The following UBAP2L variants were observed in gnomAD, a reference collection of about 807,000 sequenced individuals.
UBAP2L encodes ubiquitin-associated protein 2-like.
UBAP2L carries 12 observed loss-of-function variants against 130.6 expected under a neutral mutation model. The ratio of observed to expected loss-of-function variants is 0.09; its 90% confidence interval spans 0.06 to 0.15. The LOEUF (loss-of-function observed/expected upper bound fraction) is 0.15. Ranked by LOEUF, UBAP2L falls within the 10% of genes least tolerant of loss-of-function variation. The pLI, the probability that UBAP2L is intolerant of heterozygous loss-of-function variation, is 1.00. For missense variants in UBAP2L, 965 were observed against 1,332.5 expected, an observed-to-expected ratio of 0.72 and a Z score of 4.29; for synonymous variants, 503 against 524.7, an observed-to-expected ratio of 0.96 and a Z score of 0.57.
intron 11 of UBAP2L, among the ~76,000 whole-genome samples, chr1:154,248,933 A>G (rs1235319951): frequency 6.6e-6 from 1 of 152,218 alleles, no homozygotes; most frequent in Non-Finnish European, 1.5e-5. Flanking sequence ...AGTGATTACT[A>G]TGTGCCATAC....
At chr1:154,234,879 C>T in intron 5 of UBAP2L, 120 bp downstream of exon 5, 2 of 1,400,520 alleles carry the variant, frequency 1.4e-6, no homozygotes, top group African/African-American at 2.9e-5. Flanking sequence ...GCTTTTCTTG[C>T]CGTCGTCTGT....
At chr1:154,266,069 G>A (rs951821859) in intron 24 of UBAP2L, among the ~76,000 whole-genome samples, 27 of 152,206 alleles carry the variant, frequency 1.8e-4, no homozygotes, top group African/African-American at 6.3e-4. Flanking sequence ...GCCCAGAAAT[G>A]TCACTTCAGG....
At chr1:154,259,913 A>G (rs757402200) in intron 21 of UBAP2L, 35 bp from the exon 22 acceptor site, 10 of 1,594,602 alleles carry the variant, frequency 6.3e-6, no homozygotes, top group Non-Finnish European at 8.6e-6. Context: ...AATGAGTGAC[A>G]TTGAATCTCT....
At chr1:154,259,280 C>T (rs1384117674) in intron 21 of UBAP2L, among the ~76,000 whole-genome samples, 1 of 151,978 alleles carries the variant, frequency 6.6e-6, no homozygotes, top group Non-Finnish European at 1.5e-5. Context: ...CAACCTCCGC[C>T]GCCTGGGTTA....
chr1:154,237,065 A>T lies in UBAP2L; in HGVS notation c.632A>T (p.Asp211Val), dbSNP rs753801684. The change falls in exon 8 of 27, where the codon GAT becomes GTT. Residue 211 changes from aspartate to valine, a missense_variant. By Grantham distance (152) the Asp-to-Val change is radical. Around this residue, in one of 9 missense-constraint regions of UBAP2L, gnomAD observed 109 missense variants for 146.6 expected, o/e 0.74. Transcript: ENST00000428931. The part of the protein sequence containing the change: ...PADYAEPANT[D>V]DNYGNSSGNT... Reference sequence around the variant, plus strand: ...GATTATGCAGAGCCAGCCAATACTGATGATAACTATGGCAATAGCAGCGGC... The same window carrying T: ...GATTATGCAGAGCCAGCCAATACTGTTGATAACTATGGCAATAGCAGCGGC... 1 of 1,614,194 alleles carries T rather than the reference A, an allele frequency of 6.2e-7. No homozygotes were observed. Among genetic ancestry groups the T allele is most frequent in the East Asian group, 2.2e-5 (1 of 44,880 alleles).
chr1:154,245,077 AC>A (rs1674961211), intron 10 of UBAP2L, among the ~76,000 whole-genome samples: 1 of 152,034 alleles, frequency 6.6e-6, no homozygotes, highest in African/African-American at 2.4e-5. Context: ...TATAGTAGGC[AC>A]CCGCCACCAC....
intron 1 of UBAP2L, 83 bp from the exon 2 acceptor site, chr1:154,225,000 TG>T (rs1157440698): frequency 2.7e-6 from 2 of 741,758 alleles, no homozygotes; most frequent in African/African-American, 3.5e-5. Context: ...GAAGTGAAAG[TG>T]TTTGGTGGTG....
chr1:154,237,519 A>C (rs557349547), intron 8 of UBAP2L, among the ~76,000 whole-genome samples: 1 of 152,302 alleles, frequency 6.6e-6, no homozygotes, highest in South Asian at 2.1e-4. Flanking sequence ...TCTAGTGTTT[A>C]TGTTAGGGTA....
upstream of UBAP2L, chr1:154,220,431 T>G: frequency 6.2e-7 from 1 of 1,614,100 alleles, no homozygotes; most frequent in Non-Finnish European, 8.5e-7. Context: ...CGCGCAGAAT[T>G]GTTCGGGTTT....
intron 4 of UBAP2L, among the ~76,000 whole-genome samples, chr1:154,229,085 C>T (rs1436419035): frequency 6.6e-6 from 1 of 151,830 alleles, no homozygotes; most frequent in Non-Finnish European, 1.5e-5. Context: ...ACACACTATA[C>T]TTGATTCTGT....
At chr1:154,232,885 C>G (rs1314339659) in intron 4 of UBAP2L, among the ~76,000 whole-genome samples, 1 of 152,024 alleles carries the variant, frequency 6.6e-6, no homozygotes, top group African/African-American at 2.4e-5. Context: ...TTAGTAGAGA[C>G]CAGAGTCTCA....
At chr1:154,267,073 G>C (rs114779784) in intron 25 of UBAP2L, among the ~76,000 whole-genome samples, 2,946 of 152,086 alleles carry the variant, frequency 0.019, 36 homozygotes, top group Non-Finnish European at 0.031. Flanking sequence ...TGGGGGTCTG[G>C]GGGGGCACTT....
At chr1:154,233,570 G>A (rs982644603) in intron 4 of UBAP2L, among the ~76,000 whole-genome samples, 5 of 146,084 alleles carry the variant, frequency 3.4e-5, no homozygotes, top group Non-Finnish European at 7.4e-5. Flanking sequence ...TGATCTGCCC[G>A]CCTTGGCCTC....
chr1:154,271,364 A>G (rs1308969347), downstream of UBAP2L: 1 of 163,948 alleles, frequency 6.1e-6, no homozygotes, highest in Non-Finnish European at 1.3e-5. Flanking sequence ...TATTGGGTAC[A>G]GTGTACACTG....
intron 6 of UBAP2L, among the ~76,000 whole-genome samples, chr1:154,236,247 G>GGAGTGCAGTA (rs1263814952): frequency 1.3e-5 from 2 of 152,150 alleles, no homozygotes; most frequent in African/African-American, 4.8e-5. Context: ...CACCCAGGCT[G>GGAGTGCAGTA]GAGTGCAGTA....
At chr1:154,229,965 G>C (rs933293144) in intron 4 of UBAP2L, among the ~76,000 whole-genome samples, 3 of 151,170 alleles carry the variant, frequency 2.0e-5, no homozygotes, top group African/African-American at 7.3e-5. Flanking sequence ...AAGTGATCCT[G>C]TGCCTCAGCC....
At chr1:154,260,103 G>A in intron 22 of UBAP2L, 74 bp downstream of exon 22, 1 of 1,463,746 alleles carries the variant, frequency 6.8e-7, no homozygotes, top group Non-Finnish European at 9.6e-7. Flanking sequence ...CTGATTGGTA[G>A]CAAGAAGGGA....
upstream of UBAP2L, chr1:154,220,337 C>T: frequency 6.2e-7 from 1 of 1,614,154 alleles, no homozygotes; most frequent in Non-Finnish European, 8.5e-7. Context: ...GGGTAATCTC[C>T]TCACCAGGCT....
intron 1 of UBAP2L, among the ~76,000 whole-genome samples, chr1:154,221,638 C>T (rs1010449144): frequency 6.6e-6 from 1 of 152,178 alleles, no homozygotes; most frequent in Non-Finnish European, 1.5e-5. Flanking sequence ...CTCGATGTGG[C>T]GCTGAGGGGG....
Sources: gnomAD v4.1 joint callset for allele counts (sites outside exome capture counted in the v4.1 genomes callset) on GRCh38, gnomAD v4.1.1 for gene constraint, gnomAD v4.1.1 regional missense constraint, MANE v1.5 for transcripts, NCBI Gene and HGNC (gene_info 2026-07-23, HGNC 2026-07-21) for gene names.